The following LYN variants were observed in gnomAD, a reference collection of about 807,000 sequenced individuals.
LYN encodes the protein tyrosine-protein kinase Lyn.
A neutral mutation model predicts 65.0 loss-of-function variants in LYN; 12 were observed. The ratio of observed to expected loss-of-function variants is 0.18; its 90% CI spans 0.12 to 0.30. LYN has a LOEUF of 0.30. LYN is among the 10% of genes least tolerant of loss of function. LYN has a pLI of 1.00. For synonymous variants in LYN, 222 were observed against 221.2 expected, an observed-to-expected ratio of 1.00 and a Z score of -0.03; for missense variants, 380 against 623.2, an observed-to-expected ratio of 0.61 and a Z score of 4.16.
intron 1 of LYN, among the ~76,000 whole-genome samples, chr8:55,915,281 A>G (rs1047858087): frequency 1.3e-5 from 2 of 152,224 alleles, no homozygotes; most frequent in Non-Finnish European, 2.9e-5. Flanking sequence ...AATTCCAGAT[A>G]CCATTAAGCC....
intron 1 of LYN, among the ~76,000 whole-genome samples, chr8:55,881,604 C>T (rs537770032): frequency 6.6e-6 from 1 of 151,948 alleles, no homozygotes; most frequent in Non-Finnish European, 1.5e-5. Context: ...AATGTGTGGC[C>T]CTTTTGCTGA....
intron 10 of LYN, among the ~76,000 whole-genome samples, chr8:55,993,442 AGTACTGAGCTCTCTTG>A (rs1808299353): frequency 6.6e-6 from 1 of 152,312 alleles, no homozygotes; most frequent in East Asian, 1.9e-4. Context: ...TTTAGTTATG[AGTACTGAGCTCTCTTG>A]GTACTGAGCT....
chr8:55,989,784 A>G (rs534919017), intron 10 of LYN, among the ~76,000 whole-genome samples: 133 of 152,222 alleles, frequency 8.7e-4, no homozygotes, highest in Non-Finnish European at 1.2e-3. Context: ...ACATGTGTCC[A>G]AGGTGGCTGG....
intron 10 of LYN, among the ~76,000 whole-genome samples, chr8:55,970,170 C>T (rs893167691): frequency 3.9e-5 from 6 of 152,138 alleles, no homozygotes; most frequent in Admixed American, 2.6e-4. Flanking sequence ...AGTTACGAAT[C>T]GAATGTATGG....
chr8:55,928,351 G>A (rs936442328), intron 1 of LYN, among the ~76,000 whole-genome samples: 1 of 152,144 alleles, frequency 6.6e-6, no homozygotes, highest in Non-Finnish European at 1.5e-5. Flanking sequence ...TCACCATGTT[G>A]GCCAGGCTGG....
intron 1 of LYN, among the ~76,000 whole-genome samples, chr8:55,922,563 T>C (rs1416907742): frequency 7.3e-5 from 11 of 150,398 alleles, no homozygotes. Context: ...TTCTCAAGAG[T>C]TCAAGACCAG....
At chr8:55,998,065 A>C (rs997850863) in intron 10 of LYN, among the ~76,000 whole-genome samples, 6 of 152,006 alleles carry the variant, frequency 3.9e-5, no homozygotes, top group African/African-American at 9.7e-5. Context: ...GCCTGGGTGA[A>C]AGAGCGAGAC....
intron 8 of LYN, among the ~76,000 whole-genome samples, chr8:55,960,254 G>A (rs1019271579): frequency 7.2e-5 from 11 of 152,070 alleles, no homozygotes; most frequent in African/African-American, 2.7e-4. Context: ...TTCCTCCAGT[G>A]GTAACATCTT....
intron 10 of LYN, among the ~76,000 whole-genome samples, chr8:55,987,139 G>A (rs1249215469): frequency 2.0e-5 from 3 of 152,100 alleles, no homozygotes; most frequent in South Asian, 2.1e-4. Flanking sequence ...CTTGCCAGGC[G>A]CTGTGGCTCA....
Position 55,975,116 on chromosome 8 carries a change from C to T in LYN, c.1050+5323C>T, listed in dbSNP as rs28553424. On this transcript the variant is annotated intron_variant, in intron 10 of 12. Transcript: ENST00000519728. Reference sequence around the variant, plus strand: ...TCATAGAGGAATCTGAGCCGGGTGCCGCTGTGGATTCAGGGGCCACATAGT... The same window carrying T: ...TCATAGAGGAATCTGAGCCGGGTGCTGCTGTGGATTCAGGGGCCACATAGT... 9.9e-3 allele frequency among the ~76,000 whole-genome samples: 1,503 copies of T among 152,242 alleles called. 31 individuals carry two copies. The highest frequency in any genetic ancestry group is 0.034 in the African/African-American group (1,430 of 41,536).
intron 10 of LYN, among the ~76,000 whole-genome samples, chr8:55,994,946 C>T (rs926120937): frequency 2.6e-5 from 4 of 152,186 alleles, no homozygotes; most frequent in African/African-American, 9.7e-5. Context: ...GTGTTATAAT[C>T]GTACACTCCT....
intron 8 of LYN, among the ~76,000 whole-genome samples, chr8:55,954,835 A>AAAACAAATAAAT (rs1554580759): frequency 4.7e-5 from 7 of 148,674 alleles, no homozygotes; most frequent in African/African-American, 1.7e-4. Context: ...ACCCTGCCTC[A>AAAACAAATAAAT]AAATAAATAA....
At chr8:55,922,277 A>AG (rs550309049) in intron 1 of LYN, among the ~76,000 whole-genome samples, 3 of 151,864 alleles carry the variant, frequency 2.0e-5, no homozygotes, top group Admixed American at 1.3e-4. Context: ...TTTTATAGAG[A>AG]GGGGGTCTCA....
intron 12 of LYN, among the ~76,000 whole-genome samples, chr8:56,007,961 A>G (rs1170126332): frequency 2.6e-5 from 4 of 152,014 alleles, no homozygotes; most frequent in Non-Finnish European, 4.4e-5. Flanking sequence ...TCTACTAAAA[A>G]TACAAAAATT....
chr8:55,881,844 G>GTC (rs1223736753), intron 1 of LYN, among the ~76,000 whole-genome samples: 1 of 152,176 alleles, frequency 6.6e-6, no homozygotes, highest in Non-Finnish European at 1.5e-5. Context: ...TGCTTCATCT[G>GTC]TCTTGTCCAA....
chr8:55,928,184 T>A (rs1806164477), intron 1 of LYN, among the ~76,000 whole-genome samples: 1 of 152,304 alleles, frequency 6.6e-6, no homozygotes, highest in South Asian at 2.1e-4. Flanking sequence ...CTCGCTCTGT[T>A]GCCCAGGCTG....
At chr8:55,882,929 T>G (rs957528214) in intron 1 of LYN, among the ~76,000 whole-genome samples, 3 of 152,216 alleles carry the variant, frequency 2.0e-5, no homozygotes, top group Admixed American at 2.0e-4. Flanking sequence ...TCTCAACTTA[T>G]GATGAGGCTG....
At position 55,941,847 on chromosome 8, in the gene LYN, T is replaced by C. The variant is rs754069760; in HGVS notation, c.-5-8T>C. 6.2e-7 allele frequency: 1 copy of C among 1,611,776 alleles called. No homozygotes were observed. On this transcript the variant is annotated splice_region_variant and splice_polypyrimidine_tract_variant and intron_variant, in intron 1 of 12. Transcript: ENST00000519728. ...TAAAACAATGTCATTACTTTTATGTTTCAACAGGAAATATGGGATGTATAA... is the reference window on the plus strand; with the variant it reads ...TAAAACAATGTCATTACTTTTATGTCTCAACAGGAAATATGGGATGTATAA...
Position 55,953,858 on chromosome 8 carries a change from T to C in LYN, c.664T>C (p.Leu222=), listed in dbSNP as rs373176950. 3 of 1,613,904 alleles carry C rather than the reference T, an allele frequency of 1.9e-6. No homozygotes were observed. The highest frequency in any genetic ancestry group is 1.3e-5 in the African/African-American group (1 of 74,874). The change falls in exon 8 of 13, where the codon TTG becomes CTG. Residue 222 remains leucine (L), a synonymous_variant. Coordinates refer to ENST00000519728, the MANE Select transcript of LYN (RefSeq NM_002350.4). ...QKQADGLCRR[L]EKACISPKPQ... ...GCAGGCAGATGGCTTGTGCAGAAGA[T>C]TGGAGAAGGCTTGTATTAGTCCCAA...
Sources: gnomAD v4.1 joint callset for allele counts (sites outside exome capture counted in the v4.1 genomes callset) on GRCh38, gnomAD v4.1.1 for gene constraint, MANE v1.5 for transcripts, NCBI Gene and HGNC (gene_info 2026-07-23, HGNC 2026-07-21) for gene names.